NKAIN2: variants seen among roughly 807,000 people sequenced by gnomAD.
NKAIN2 encodes sodium/potassium-transporting ATPase subunit beta-1-interacting protein 2.
NKAIN2 carries 14 observed loss-of-function variants against 32.6 expected under a neutral mutation model. The ratio of observed to expected loss-of-function variants is 0.43; its 90% CI spans 0.28 to 0.67. NKAIN2 has a LOEUF of 0.67. Among genes scored for constraint, NKAIN2 ranks in the 30% least tolerant of loss-of-function variants. The pLI, the probability that NKAIN2 is intolerant of heterozygous loss-of-function variation, is 0.17. For missense variants in NKAIN2, 198 were observed against 258.3 expected, an observed-to-expected ratio of 0.77 and a Z score of 1.60; for synonymous variants, 80 against 87.2, an observed-to-expected ratio of 0.92 and a Z score of 0.46.
chr6:124,523,436 T>A (rs2114802509), intron 3 of NKAIN2, among the ~76,000 whole-genome samples: 1 of 152,260 alleles, frequency 6.6e-6, no homozygotes, highest in South Asian at 2.1e-4. Context: ...CAGAATTTTC[T>A]GTGTAAGATG....
At chr6:123,979,915 C>T (rs1354783999) in intron 1 of NKAIN2, among the ~76,000 whole-genome samples, 13 of 151,972 alleles carry the variant, frequency 8.6e-5, no homozygotes, top group Admixed American at 8.5e-4. Flanking sequence ...AAATGCCATC[C>T]AATTATCTCC....
intron 1 of NKAIN2, among the ~76,000 whole-genome samples, chr6:124,250,855 GGGCAAAAAAT>G (rs1444225243): frequency 6.6e-6 from 1 of 151,880 alleles, no homozygotes; most frequent in Non-Finnish European, 1.5e-5. Flanking sequence ...GTAGACTAAT[GGGCAAAAAAT>G]GGCACATATT....
intron 1 of NKAIN2, among the ~76,000 whole-genome samples, chr6:123,857,180 C>G (rs1346545779): frequency 6.6e-6 from 1 of 152,052 alleles, no homozygotes; most frequent in Non-Finnish European, 1.5e-5. Context: ...GTTTATGGAA[C>G]CCCTGGAGTT....
At chr6:124,097,922 A>G (rs563890273) in intron 1 of NKAIN2, among the ~76,000 whole-genome samples, 2 of 152,236 alleles carry the variant, frequency 1.3e-5, no homozygotes, top group South Asian at 2.1e-4. Flanking sequence ...CTGAAACCTG[A>G]TATCTTGGAT....
rs571404377 is a variant in NKAIN2, at chr6:123,841,486, C to T, written c.54+37232C>T. 2.6e-5 allele frequency among the ~76,000 whole-genome samples: 4 copies of T among 152,264 alleles called. No homozygotes were observed. The South Asian group carries it at 8.3e-4, about 32-fold the overall frequency. ...CAGTCCCTTTGAAAAGTAAGCAGACCACTGCCCTTATCACTGCAGGGACAA... is the reference window on the plus strand; with the variant it reads ...CAGTCCCTTTGAAAAGTAAGCAGACTACTGCCCTTATCACTGCAGGGACAA... On this transcript the variant is annotated intron_variant, in intron 1 of 6. Transcript: ENST00000368417.
chr6:124,431,704 G>T (rs1164272174), intron 3 of NKAIN2, among the ~76,000 whole-genome samples: 2 of 152,016 alleles, frequency 1.3e-5, no homozygotes, highest in African/African-American at 4.8e-5. Flanking sequence ...AACAGCAAAT[G>T]GGAGATACTG....
chr6:124,491,189 T>C (rs2114724520), intron 3 of NKAIN2, among the ~76,000 whole-genome samples: 1 of 152,028 alleles, frequency 6.6e-6, no homozygotes, highest in Admixed American at 6.6e-5. Flanking sequence ...AAATAACATT[T>C]AAAGAGTTAC....
At chr6:124,719,778 T>C (rs1445998783) in intron 4 of NKAIN2, among the ~76,000 whole-genome samples, 3 of 151,994 alleles carry the variant, frequency 2.0e-5, no homozygotes, top group Non-Finnish European at 4.4e-5. Context: ...ATTAATGGTA[T>C]GACTTATTTC....
chr6:124,626,576 C>G (rs1783356149), intron 3 of NKAIN2, among the ~76,000 whole-genome samples: 1 of 152,134 alleles, frequency 6.6e-6, no homozygotes, highest in South Asian at 2.1e-4. Context: ...ATGACTCATG[C>G]TTTATTAAAT....
chr6:124,268,363 C>G lies in NKAIN2; in HGVS notation c.55-14642C>G, dbSNP rs559668042. ...TAGAGAGTTCCTAAGCAAATTGGAC[C>G]CCTTAAAGAAATTTAGCATTCTATT... On this transcript the variant is annotated intron_variant, in intron 1 of 6. Coordinates refer to ENST00000368417, the MANE Select transcript of NKAIN2 (RefSeq NM_001040214.3). 3.3e-5 allele frequency among the ~76,000 whole-genome samples: 5 copies of G among 152,160 alleles called. No individual in the cohort carries two copies. The East Asian group carries it at 9.7e-4, about 29-fold the overall frequency.
chr6:124,514,943 A>G (rs1040730649), intron 3 of NKAIN2, among the ~76,000 whole-genome samples: 2 of 152,160 alleles, frequency 1.3e-5, no homozygotes, highest in African/African-American at 2.4e-5. Context: ...AGCAAAGGAA[A>G]CAATTTTTGA....
At chr6:123,872,675 A>T (rs555988709) in intron 1 of NKAIN2, among the ~76,000 whole-genome samples, 1 of 152,354 alleles carries the variant, frequency 6.6e-6, no homozygotes, top group African/African-American at 2.4e-5. Flanking sequence ...AGATGAGTTG[A>T]TAATCACCAA....
intron 1 of NKAIN2, among the ~76,000 whole-genome samples, chr6:123,969,508 C>G (rs1002451880): frequency 2.0e-5 from 3 of 152,188 alleles, no homozygotes; most frequent in Non-Finnish European, 2.9e-5. Flanking sequence ...GACCGTTGCA[C>G]TAGCTCAGTA....
At chr6:124,361,019 A>G (rs137874243) in intron 3 of NKAIN2, among the ~76,000 whole-genome samples, 223 of 152,244 alleles carry the variant, frequency 1.5e-3, no homozygotes, top group Admixed American at 3.7e-3. Context: ...TCATATATCA[A>G]ATAGAGAGAA....
At chr6:123,977,771 T>C (rs1369070857) in intron 1 of NKAIN2, among the ~76,000 whole-genome samples, 2 of 152,204 alleles carry the variant, frequency 1.3e-5, no homozygotes, top group African/African-American at 2.4e-5. Flanking sequence ...AAATTTAGAC[T>C]GTACATCCTT....
chr6:124,426,984 G>A (rs1281036199), intron 3 of NKAIN2, among the ~76,000 whole-genome samples: 1 of 152,082 alleles, frequency 6.6e-6, no homozygotes, highest in Non-Finnish European at 1.5e-5. Flanking sequence ...CCTCTTTCTT[G>A]TATAAATTGC....
chr6:124,274,599 C>T (rs1794940158), intron 1 of NKAIN2, among the ~76,000 whole-genome samples: 2 of 152,016 alleles, frequency 1.3e-5, no homozygotes, highest in African/African-American at 4.8e-5. Context: ...GTTATGTATT[C>T]TCTCTCATCA....
chr6:124,004,993 G>A (rs1302051686), intron 1 of NKAIN2, among the ~76,000 whole-genome samples: 2 of 152,018 alleles, frequency 1.3e-5, no homozygotes, highest in Non-Finnish European at 1.5e-5. Context: ...GGGAGGCAGA[G>A]GCAGGTGACT....
At chr6:124,393,591 C>T (rs180815391) in intron 3 of NKAIN2, among the ~76,000 whole-genome samples, 1 of 152,196 alleles carries the variant, frequency 6.6e-6, no homozygotes, top group Admixed American at 6.5e-5. Context: ...CATTCTATTA[C>T]TAATGAAGAA....
Sources: allele counts gnomAD v4.1 joint callset (sites outside exome capture counted in the v4.1 genomes callset), GRCh38; gene constraint gnomAD v4.1.1; transcripts MANE v1.5; gene names NCBI Gene and HGNC (gene_info 2026-07-23, HGNC 2026-07-21).